FLT1: variants seen among roughly 807,000 people sequenced by gnomAD.
FLT1 encodes the protein fms related receptor tyrosine kinase 1.
A neutral mutation model predicts 156.3 loss-of-function variants in FLT1; 49 were observed. That is an observed-to-expected ratio of 0.31 (90% confidence interval 0.25 to 0.40). FLT1 has a LOEUF of 0.40. Among genes scored for constraint, FLT1 ranks in the 10% least tolerant of loss-of-function variants. FLT1 has a pLI of 1.00. For synonymous variants in FLT1, 594 were observed against 583.8 expected (o/e 1.02, Z -0.25); for missense variants, 1,322 against 1,637.2 (o/e 0.81, Z 3.32).
chr13:28,394,310 A>G (rs1008358368), intron 12 of FLT1, among the ~76,000 whole-genome samples: 13 of 152,212 alleles, frequency 8.5e-5, no homozygotes, highest in African/African-American at 2.7e-4. Flanking sequence ...TCTAGAGGAA[A>G]AGAACTGTGA....
intron 25 of FLT1, among the ~76,000 whole-genome samples, chr13:28,312,441 T>A (rs954355008): frequency 6.6e-6 from 1 of 151,858 alleles, no homozygotes; most frequent in African/African-American, 2.4e-5. Context: ...ACCCCACCGC[T>A]CACTGCAGTT....
chr13:28,369,834 G>A (rs928198602), intron 14 of FLT1, among the ~76,000 whole-genome samples: 4 of 152,132 alleles, frequency 2.6e-5, no homozygotes, highest in Admixed American at 1.3e-4. Context: ...GACGATTTAC[G>A]CTTTAGCCAT....
At chr13:28,337,149 CT>C (rs80124550) in intron 17 of FLT1, among the ~76,000 whole-genome samples, 5,350 of 142,726 alleles carry the variant, frequency 0.037, 126 homozygotes, top group African/African-American at 0.075. Flanking sequence ...AGTGAGGAAT[CT>C]TTTTTTTTTT....
chr13:28,439,109 AAGG>A lies in FLT1; in HGVS notation c.389-767_389-765del, dbSNP rs1878200278. Among the ~76,000 whole-genome samples the A allele has an allele frequency of 6.6e-6, 1 of 152,206 alleles. No individual in the cohort carries two copies. Among genetic ancestry groups the A allele is most frequent in the South Asian group, 2.1e-4 (1 of 4,834 alleles). On this transcript the variant is annotated intron_variant, in intron 3 of 29. Transcript: ENST00000282397. This position sits in a 1 kb window ranked among gnomAD's most constrained non-coding sequence, Gnocchi z 4.1. ...GTGGCATTTGGCCAGTCTCAGAGGCAAGGAGGATTCAAACACCTGTTCAGCTTC... is the reference window on the plus strand; with the variant it reads ...GTGGCATTTGGCCAGTCTCAGAGGCAAGGATTCAAACACCTGTTCAGCTTC...
rs115391989 is a variant in FLT1 at position 28,414,529 on chromosome 13, G to A, written c.1437-8635C>T. Reference sequence around the variant, plus strand: ...ATTGGTTTGACATCAGCAAATATTAGGGTGATACTTAATGTGTAACACACT... The same window carrying A: ...ATTGGTTTGACATCAGCAAATATTAAGGTGATACTTAATGTGTAACACACT... On this transcript the variant is annotated intron_variant, in intron 10 of 29. Transcript: ENST00000282397. 3.1e-3 allele frequency among the ~76,000 whole-genome samples: 477 copies of A among 152,300 alleles called. 5 individuals carry two copies. Among genetic ancestry groups the A allele is most frequent in the African/African-American group, 0.011 (454 of 41,556 alleles).
chr13:28,393,558 C>T (rs1017118172), intron 12 of FLT1, among the ~76,000 whole-genome samples: 2 of 152,016 alleles, frequency 1.3e-5, no homozygotes, highest in Non-Finnish European at 2.9e-5. Context: ...ATTTGGAAGG[C>T]AACTCAAAAA....
chr13:28,412,377 T>TTTCTTTCTTTCCTTCTTTCTTTCC (rs1566013097), intron 10 of FLT1, among the ~76,000 whole-genome samples: 1 of 120,550 alleles, frequency 8.3e-6, no homozygotes, highest in African/African-American at 3.1e-5. Flanking sequence ...TCTTTCTTTC[T>TTTCTTTCTTTCCTTCTTTCTTTCC]TTCTTTCTTT....
At chr13:28,426,350 C>T (rs1384912448) in intron 10 of FLT1, among the ~76,000 whole-genome samples, 1 of 152,054 alleles carries the variant, frequency 6.6e-6, no homozygotes, top group Non-Finnish European at 1.5e-5. Flanking sequence ...AAAAAGCAAA[C>T]AAGGCTCAGT....
Position 28,317,497 on chromosome 13 carries a change from C to T in FLT1, c.3386+1G>A. 6.2e-7 allele frequency: 1 copy of T among 1,602,884 alleles called. No individual in the cohort carries two copies. The highest frequency in any genetic ancestry group is 8.5e-7 in the Non-Finnish European group (1 of 1,170,108). ...GGGAGCAGAGGGCACCAAGGGCTCA[C>T]ATTTCAGGAGTAGAGTACTCAGGAG... On this transcript the variant is annotated splice_donor_variant, in intron 25 of 29. Coordinates refer to ENST00000282397, the MANE Select transcript of FLT1 (RefSeq NM_002019.4). LOFTEE classifies it high-confidence loss of function.
At chr13:28,315,641 C>T (rs1871172637) in intron 25 of FLT1, among the ~76,000 whole-genome samples, 1 of 152,098 alleles carries the variant, frequency 6.6e-6, no homozygotes, top group African/African-American at 2.4e-5. Context: ...TAATTTCATA[C>T]TGTTTTGCAT....
intron 25 of FLT1, among the ~76,000 whole-genome samples, chr13:28,317,022 A>T (rs909342510): frequency 6.6e-6 from 1 of 152,078 alleles, no homozygotes; most frequent in African/African-American, 2.4e-5. Context: ...CCTCTCCAAG[A>T]CCTGTTCTGC....
chr13:28,371,872 G>T (rs1403499339), intron 14 of FLT1, among the ~76,000 whole-genome samples: 3 of 151,622 alleles, frequency 2.0e-5, no homozygotes, highest in Non-Finnish European at 4.4e-5. Flanking sequence ...TGGATAAGGG[G>T]ACATGACAGT....
intron 1 of FLT1, among the ~76,000 whole-genome samples, chr13:28,480,770 A>AT (rs1292088319): frequency 6.6e-6 from 1 of 152,154 alleles, no homozygotes; most frequent in Non-Finnish European, 1.5e-5. Context: ...TGGTTCGCAT[A>AT]TTTTTTGTCT....
rs371199947 is a variant in FLT1 at position 28,322,843 on chromosome 13, G to A, written c.2900C>T (p.Ala967Val). The change falls in exon 21 of 30, where the codon GCG becomes GTG. Residue 967 changes from alanine (A) to valine (V), a missense_variant. By Grantham distance (64) the Ala-to-Val change is moderately conservative. This residue lies in a region of FLT1 where 991 missense variants were observed against 1,254.8 expected (regional missense o/e 0.79). Transcript: ENST00000282397. This position sits in a 1 kb window ranked among gnomAD's most constrained non-coding sequence, Gnocchi z 4.3. ...LDSVTSSESF[A>V]SSGFQEDKSL... ...TTTATCTTCCTGAAAGCCGGAGCTC[G>A]CAAAGCTTTCGCTGCTGGTGACGCT... 191 of 1,613,966 alleles carry A rather than the reference G, an allele frequency of 1.2e-4. No individual in the cohort carries two copies. The highest frequency in any genetic ancestry group is 1.5e-4 in the Non-Finnish European group (176 of 1,179,984).
intron 15 of FLT1, among the ~76,000 whole-genome samples, chr13:28,350,945 T>A (rs1449345546): frequency 6.6e-6 from 1 of 150,996 alleles, no homozygotes; most frequent in African/African-American, 2.4e-5. Flanking sequence ...CCTTTCTCTC[T>A]CTCTCCCTCT....
At position 28,384,892 on chromosome 13, in the gene FLT1, T is replaced by C. The variant is rs2137449338; in HGVS notation, c.2109A>G (p.Gln703=). The change falls in exon 14 of 30, where the codon CAA becomes CAG. Residue 703 remains glutamine (Q), a synonymous_variant. Transcript: ENST00000282397. ...GAAAAAAAAGTCTCTTACCAGGCTC[T>C]TGTTGTATTTTGTGGTTGTTTTTAA... ...TWFKNNHKIQ[Q]EPGIILGPGS... The C allele has an allele frequency of 6.2e-7, 1 of 1,614,086 alleles. No homozygotes were observed. Among genetic ancestry groups the C allele is most frequent in the Non-Finnish European group, 8.5e-7 (1 of 1,179,952 alleles).
intron 3 of FLT1, among the ~76,000 whole-genome samples, chr13:28,441,266 G>A (rs957017792): frequency 6.6e-6 from 1 of 152,192 alleles, no homozygotes; most frequent in Non-Finnish European, 1.5e-5. Context: ...GCAGGCCACT[G>A]TGCATGTGGA....
chr13:28,405,775 A>C lies in FLT1; in HGVS notation c.1551+5T>G, dbSNP rs1001450340. 6 of 1,484,874 alleles carry C rather than the reference A, an allele frequency of 4.0e-6. No homozygotes were observed. The highest frequency in any genetic ancestry group is 4.7e-6 in the Non-Finnish European group (5 of 1,062,692). The allele number at this position is 1,484,874 out of a possible 1,614,324, so 92.0% of individuals were successfully genotyped here. On this transcript the variant is annotated splice_donor_5th_base_variant and intron_variant, in intron 11 of 29. Coordinates refer to ENST00000282397, the MANE Select transcript of FLT1 (RefSeq NM_002019.4). Reference sequence around the variant, plus strand: ...TATCCCAGTGCGCATTTTTACAAACAATACCTTATTCTTTCCTTCTATTAT... The same window carrying C: ...TATCCCAGTGCGCATTTTTACAAACCATACCTTATTCTTTCCTTCTATTAT...
intron 1 of FLT1, among the ~76,000 whole-genome samples, chr13:28,494,389 C>T (rs1348369257): frequency 6.6e-6 from 1 of 152,216 alleles, no homozygotes; most frequent in Non-Finnish European, 1.5e-5. Context: ...CGTACCTGCC[C>T]CAGGTCCTCT....
Sources: gnomAD v4.1 joint callset for allele counts (sites outside exome capture counted in the v4.1 genomes callset) on GRCh38, gnomAD v4.1.1 for gene constraint, gnomAD v4.1.1 regional missense constraint, Gnocchi (gnomAD v3.1) non-coding constraint, MANE v1.5 for transcripts, NCBI Gene and HGNC (gene_info 2026-07-23, HGNC 2026-07-21) for gene names.